The following GRIK1 variants were observed in gnomAD, a reference collection of about 807,000 sequenced individuals.
GRIK1 encodes the protein glutamate receptor ionotropic, kainate 1.
A neutral mutation model predicts 105.7 loss-of-function variants in GRIK1; 69 were observed. The ratio of observed to expected loss-of-function variants is 0.65; its 90% CI spans 0.54 to 0.80. The LOEUF is 0.80. Among genes scored for constraint, GRIK1 ranks in the 30% least tolerant of loss-of-function variants. GRIK1 has a pLI of 0.00. For synonymous variants in GRIK1, 438 were observed against 431.3 expected, an observed-to-expected ratio of 1.02 and a Z score of -0.19; for missense variants, 1,109 against 1,167.3, an observed-to-expected ratio of 0.95 and a Z score of 0.73.
intron 1 of GRIK1, among the ~76,000 whole-genome samples, chr21:29,896,670 T>TATACATAAGATA (rs2070174063): frequency 6.6e-6 from 1 of 152,248 alleles, no homozygotes; most frequent in Non-Finnish European, 1.5e-5. Context: ...GGAAATACAC[T>TATACATAAGATA]GTATTCACTA....
intron 1 of GRIK1, among the ~76,000 whole-genome samples, chr21:29,718,832 T>C (rs546796784): frequency 2.0e-5 from 3 of 152,184 alleles, no homozygotes; most frequent in Non-Finnish European, 4.4e-5. Context: ...TAGTGCTCAG[T>C]GCCTTTGCAC....
chr21:29,780,965 A>T (rs2066082145), intron 1 of GRIK1, among the ~76,000 whole-genome samples: 1 of 152,058 alleles, frequency 6.6e-6, no homozygotes, highest in Non-Finnish European at 1.5e-5. Context: ...CAACCCCTCA[A>T]CCTCAGATTA....
At chr21:29,898,984 A>G (rs2070285448) in intron 1 of GRIK1, among the ~76,000 whole-genome samples, 1 of 152,004 alleles carries the variant, frequency 6.6e-6, no homozygotes, top group Admixed American at 6.6e-5. Context: ...AAAAAAAAAA[A>G]TTGTGAAAAC....
chr21:29,649,587 C>T (rs544359226), intron 6 of GRIK1, among the ~76,000 whole-genome samples: 1 of 152,310 alleles, frequency 6.6e-6, no homozygotes, highest in South Asian at 2.1e-4. Context: ...ACCTCACGCT[C>T]GGCCTGATTC....
intron 1 of GRIK1, among the ~76,000 whole-genome samples, chr21:29,901,896 T>A (rs994707027): frequency 6.8e-6 from 1 of 146,062 alleles, no homozygotes; most frequent in African/African-American, 2.7e-5. Flanking sequence ...GCAAAAATCC[T>A]CAATAAAATA....
At chr21:29,738,352 G>A (rs769439057) in intron 1 of GRIK1, among the ~76,000 whole-genome samples, 57 of 152,316 alleles carry the variant, frequency 3.7e-4, no homozygotes, top group Admixed American at 1.4e-3. Flanking sequence ...CCTTTGAGAA[G>A]ATTCCAAACT....
chr21:29,863,927 T>C (rs921898104), intron 1 of GRIK1, among the ~76,000 whole-genome samples: 25 of 152,192 alleles, frequency 1.6e-4, no homozygotes, highest in Admixed American at 5.2e-4. Context: ...GTTCGGTTTT[T>C]TCCCTTGGAG....
rs921306881 is a variant in GRIK1 at position 29,935,253 on chromosome 21, T to G, written c.118+4130A>C. Among the ~76,000 whole-genome samples, 7 of 152,262 alleles carry G rather than the reference T, an allele frequency of 4.6e-5. No individual in the cohort carries two copies. The East Asian group carries it at 1.3e-3, about 29-fold the overall frequency. On this transcript the variant is annotated intron_variant, in intron 1 of 17. Transcript: ENST00000327783. ...TCAAGAATAGTATTTGAAAAAAATT[T>G]TAATGTGTCCACGTGGAAAATCTGA...
chr21:29,705,331 T>C (rs2063884382), intron 1 of GRIK1, among the ~76,000 whole-genome samples: 1 of 152,234 alleles, frequency 6.6e-6, no homozygotes, highest in Admixed American at 6.5e-5. Context: ...TGGGAGGCAC[T>C]GCTTCATTTC....
At chr21:29,930,773 A>G (rs2071538511) in intron 1 of GRIK1, among the ~76,000 whole-genome samples, 1 of 152,224 alleles carries the variant, frequency 6.6e-6, no homozygotes, top group South Asian at 2.1e-4. Context: ...CAGATTAGCA[A>G]CTGTTATATA....
intron 4 of GRIK1, among the ~76,000 whole-genome samples, chr21:29,656,778 T>C (rs2062862426): frequency 6.6e-6 from 1 of 152,208 alleles, no homozygotes; most frequent in African/African-American, 2.4e-5. Context: ...GGGTATTAGA[T>C]GACAGCACAT....
At chr21:29,610,257 T>G (rs1183087853) in intron 7 of GRIK1, among the ~76,000 whole-genome samples, 1 of 152,130 alleles carries the variant, frequency 6.6e-6, no homozygotes, top group Non-Finnish European at 1.5e-5. Flanking sequence ...TGAATAAATG[T>G]CATGCTTTTC....
chr21:29,579,223 T>G lies in GRIK1; in HGVS notation c.1913-2042A>C, dbSNP rs551675133. On this transcript the variant is annotated intron_variant, in intron 13 of 17. Coordinates refer to ENST00000327783, the MANE Select transcript of GRIK1 (RefSeq NM_001330994.2). ...CATTTTAAACCCTTGTTAGATGGCA[T>G]CAATTAGACTTCTCAATGTTTCTTC... 3.3e-5 allele frequency among the ~76,000 whole-genome samples: 5 copies of G among 152,346 alleles called. No individual in the cohort carries two copies. In the East Asian group the frequency reaches 9.6e-4, roughly 29 times the overall value.
At chr21:29,912,763 T>C (rs532899348) in intron 1 of GRIK1, among the ~76,000 whole-genome samples, 1 of 152,180 alleles carries the variant, frequency 6.6e-6, no homozygotes, top group Admixed American at 6.6e-5. Flanking sequence ...TGAAAACCAT[T>C]AGCAAAAGGA....
At chr21:29,933,884 A>T (rs1602086935) in intron 1 of GRIK1, among the ~76,000 whole-genome samples, 2 of 152,310 alleles carry the variant, frequency 1.3e-5, no homozygotes, top group East Asian at 3.9e-4. Context: ...GGAAAATTTT[A>T]GAACATAAAT....
intron 1 of GRIK1, among the ~76,000 whole-genome samples, chr21:29,886,626 G>A (rs753304323): frequency 1.6e-4 from 25 of 152,048 alleles, no homozygotes; most frequent in Admixed American, 6.6e-5. Flanking sequence ...AACTTTAAGG[G>A]TAAGTTCAAA....
chr21:29,812,414 A>G (rs2067036149), intron 1 of GRIK1, among the ~76,000 whole-genome samples: 1 of 152,174 alleles, frequency 6.6e-6, no homozygotes, highest in South Asian at 2.1e-4. Flanking sequence ...GTAATAGCAG[A>G]AGAATATCCT....
intron 1 of GRIK1, among the ~76,000 whole-genome samples, chr21:29,929,504 G>A (rs1037177016): frequency 1.3e-5 from 2 of 152,148 alleles, no homozygotes; most frequent in Non-Finnish European, 2.9e-5. Flanking sequence ...CCAATCCAAA[G>A]TATGTAAAAC....
intron 14 of GRIK1, among the ~76,000 whole-genome samples, chr21:29,563,846 C>T (rs1400074854): frequency 6.6e-6 from 1 of 152,112 alleles, no homozygotes; most frequent in African/African-American, 2.4e-5. Flanking sequence ...TTTGAGACTT[C>T]AAAAAGTCAC....
Sources: gnomAD v4.1 joint callset for allele counts (sites outside exome capture counted in the v4.1 genomes callset) on GRCh38, gnomAD v4.1.1 for gene constraint, MANE v1.5 for transcripts, NCBI Gene and HGNC (gene_info 2026-07-23, HGNC 2026-07-21) for gene names.